Variants in USP36 observed in about 807,000 individuals in gnomAD.
USP36 encodes the protein ubiquitin specific peptidase 36.
Under a neutral mutation model 111.5 loss-of-function variants are expected in USP36, and 59 were observed. The ratio of observed to expected loss-of-function variants is 0.53; its 90% CI spans 0.43 to 0.66. USP36 has a LOEUF of 0.66. Among genes scored for constraint, USP36 ranks in the 30% least tolerant of loss-of-function variants. USP36 has a pLI of 0.00. For missense variants in USP36, 1,488 were observed against 1,468.0 expected, an observed-to-expected ratio of 1.01 and a Z score of -0.22; for synonymous variants, 628 against 581.0, an observed-to-expected ratio of 1.08 and a Z score of -1.16.
At chr17:78,816,636 A>C (rs754288528) in intron 10 of USP36, among the ~76,000 whole-genome samples, 4 of 151,740 alleles carry the variant, frequency 2.6e-5, no homozygotes, top group Non-Finnish European at 4.4e-5. Flanking sequence ...AAAAAAAAAA[A>C]CAAAAAAACC....
At position 78,827,238 on chromosome 17, in the gene USP36, C is replaced by T. The variant is rs747847704; in HGVS notation, c.689+7G>A. ...AGCCCTGGGAGGGTGGGTGGGGAAG[C>T]ACGCACTTGGCACAGCCATTCAGGC... On this transcript the variant is annotated splice_region_variant and intron_variant, in intron 6 of 20. Coordinates refer to ENST00000449938, the MANE Select transcript of USP36 (RefSeq NM_001385174.1). The T allele has an allele frequency of 7.4e-6, 12 of 1,610,882 alleles. No homozygotes were observed. Among genetic ancestry groups the T allele is most frequent in the Non-Finnish European group, 1.0e-5 (12 of 1,179,368 alleles).
rs79704391 is a variant in USP36, at chr17:78,823,597, C to T, written c.690-1593G>A. On this transcript the variant is annotated intron_variant, in intron 6 of 20. Transcript: ENST00000449938. Reference sequence around the variant, plus strand: ...GCCCGAGAGCCACCCGGAATCACAGCTGCAAAGGGCACCCTGAAGTGAAGT... The same window carrying T: ...GCCCGAGAGCCACCCGGAATCACAGTTGCAAAGGGCACCCTGAAGTGAAGT... Among the ~76,000 whole-genome samples, 195 of 152,282 alleles carry T rather than the reference C, an allele frequency of 1.3e-3. 1 individual carries two copies. Among genetic ancestry groups the T allele is most frequent in the African/African-American group, 4.6e-3 (190 of 41,556 alleles).
chr17:78,836,351 C>T lies in USP36; in HGVS notation c.13G>A (p.Asp5Asn). ...GGTTTCAGGGCCTCCTTCAACTTAT[C>T]CACTATTGGCATGGTGCATCACTGT... MPIV[D>N]KLKEALKPGR... The change falls in exon 3 of 21, where the codon GAT becomes AAT. Residue 5 changes from aspartate to asparagine, a missense_variant. Physicochemically the swap from Asp to Asn is conservative, Grantham distance 23 (BLOSUM62 1). Transcript: ENST00000449938. 6.2e-7 allele frequency: 1 copy of T among 1,614,082 alleles called. No homozygotes were observed. Among genetic ancestry groups the T allele is most frequent in the South Asian group, 1.1e-5 (1 of 91,074 alleles).
intron 5 of USP36, 23 bp from the exon 6 acceptor site, chr17:78,827,370 G>A (rs1466149049): frequency 1.3e-6 from 2 of 1,596,176 alleles, no homozygotes; most frequent in South Asian, 1.1e-5. Flanking sequence ...GAAACAGGGA[G>A]GGAAGAGCTC....
At chr17:78,830,763 T>C (rs2068008956) in intron 4 of USP36, among the ~76,000 whole-genome samples, 1 of 152,126 alleles carries the variant, frequency 6.6e-6, no homozygotes, top group Non-Finnish European at 1.5e-5. Flanking sequence ...AAAATTCTTC[T>C]TGAAGAGATG....
chr17:78,814,283 G>A (rs756087351), intron 11 of USP36, 129 bp downstream of exon 11: 18 of 1,284,672 alleles, frequency 1.4e-5, no homozygotes, highest in East Asian at 5.0e-5. Context: ...AGGCAACAAC[G>A]AGGACTTGAA....
chr17:78,822,130 A>G, intron 6 of USP36, 126 bp from the exon 7 acceptor site: 1 of 1,023,812 alleles, frequency 9.8e-7, no homozygotes, highest in Non-Finnish European at 1.5e-6. Flanking sequence ...TCCACCCCCC[A>G]CCCGAGTCAC....
chr17:78,806,343 A>G (rs2145099003), intron 14 of USP36, 57 bp from the exon 15 acceptor site: 1 of 1,604,194 alleles, frequency 6.2e-7, no homozygotes, highest in East Asian at 2.2e-5. Context: ...TCCGTGAGTG[A>G]AGAGGGAAAA....
At chr17:78,814,776 C>A (rs566798005) in intron 10 of USP36, among the ~76,000 whole-genome samples, 7 of 151,822 alleles carry the variant, frequency 4.6e-5, no homozygotes, top group Non-Finnish European at 1.0e-4. Flanking sequence ...TAGCGAAACC[C>A]CACTTCTAAT....
In USP36 at chr17:78,836,254, A is replaced by G; in HGVS notation, c.110T>C (p.Leu37Ser). ...LLASSAKKVL[L>S]QKIEFEPASK... is the part of the protein sequence containing the mutation. ...GGCTGGCTCGAACTCGATTTTCTGT[A>G]AAAGGACCTTCTTGGCAGAGGAGGC... Residue 37 changes from leucine to serine, a missense_variant, in exon 3 of 21, where the codon TTA becomes TCA. Leu to Ser is a moderately radical substitution (Grantham distance 145). Transcript: ENST00000449938. 1 of 1,614,132 alleles carries G rather than the reference A, an allele frequency of 6.2e-7. No individual in the cohort carries two copies. Among genetic ancestry groups the G allele is most frequent in the Non-Finnish European group, 8.5e-7 (1 of 1,180,014 alleles).
intron 4 of USP36, among the ~76,000 whole-genome samples, chr17:78,830,048 G>A (rs1447019031): frequency 6.6e-6 from 1 of 152,170 alleles, no homozygotes. Flanking sequence ...CCCGACAGTG[G>A]TACATTTTTA....
At chr17:78,799,505 T>C (rs560159605) in intron 18 of USP36, among the ~76,000 whole-genome samples, 162 bp downstream of exon 18, 2 of 152,250 alleles carry the variant, frequency 1.3e-5, no homozygotes, top group East Asian at 3.9e-4. Flanking sequence ...GCTGAGGGTT[T>C]AAAGAGGACT....
intron 10 of USP36, among the ~76,000 whole-genome samples, chr17:78,814,943 G>A (rs1183931079): frequency 6.6e-6 from 1 of 150,554 alleles, no homozygotes; most frequent in Non-Finnish European, 1.5e-5. Context: ...GAGCGAGACT[G>A]TCTCAAAACT....
intron 10 of USP36, among the ~76,000 whole-genome samples, chr17:78,818,357 G>T (rs2094236660): frequency 6.6e-6 from 1 of 152,034 alleles, no homozygotes; most frequent in African/African-American, 2.4e-5. Flanking sequence ...AAGCATTCAG[G>T]GATTTTGCAA....
rs980289980 is a variant in USP36, at chr17:78,807,460, G to C, written c.1584C>G (p.Ile528Met). 5 of 1,614,094 alleles carry C rather than the reference G, an allele frequency of 3.1e-6. No individual in the cohort carries two copies. Among genetic ancestry groups the C allele is most frequent in the East Asian group, 2.2e-5 (1 of 44,870 alleles). ...LSQTPTHMPT[I>M]LDDPGKKVKK... ...TCACCTTCTTTCCAGGGTCGTCTAG[G>C]ATGGTTGGCATGTGTGTGGGTGTCT... Residue 528 changes from isoleucine (I) to methionine (M), a missense_variant, in exon 14 of 21, where the codon ATC becomes ATG. By Grantham distance (10) the Ile-to-Met change is conservative. Around this residue, in one of 3 missense-constraint regions of USP36, gnomAD observed 1,073 missense variants for 994.1 expected, o/e 1.08. Coordinates refer to ENST00000449938, the MANE Select transcript of USP36 (RefSeq NM_001385174.1).
chr17:78,806,417 G>A, intron 14 of USP36, 131 bp from the exon 15 acceptor site: 3 of 1,290,630 alleles, frequency 2.3e-6, no homozygotes, highest in Admixed American at 5.1e-5. Flanking sequence ...GGAGACAGAA[G>A]AAGACAAAAA....
chr17:78,797,614 C>T lies in USP36; in HGVS notation c.*286G>A, dbSNP rs1279961637. On this transcript the variant is annotated 3_prime_UTR_variant, in exon 21 of 21. Coordinates refer to ENST00000449938, the MANE Select transcript of USP36 (RefSeq NM_001385174.1). ...CCACTGTCTATGAAACATGAGAAGG[C>T]ACAGCCTGGCAAAGATGTCCAGCAG... The T allele has an allele frequency of 6.6e-6, 1 of 152,350 alleles. No individual in the cohort carries two copies. Among genetic ancestry groups the T allele is most frequent in the African/African-American group, 2.4e-5 (1 of 41,468 alleles). 9.4% of individuals were successfully genotyped at this position (152,350 alleles called of 1,614,324 possible). A position where few individuals can be genotyped will look rare whatever the true frequency, so the allele number is the denominator to read the frequency against.
At chr17:78,808,224 G>A (rs186444868) in intron 13 of USP36, among the ~76,000 whole-genome samples, 1 of 149,782 alleles carries the variant, frequency 6.7e-6, no homozygotes, top group African/African-American at 2.4e-5. Context: ...ATTATCTCAA[G>A]CATTTTTATG....
intron 13 of USP36, among the ~76,000 whole-genome samples, chr17:78,812,322 A>G (rs1049353097): frequency 1.3e-5 from 2 of 152,176 alleles, no homozygotes; most frequent in South Asian, 2.1e-4. Flanking sequence ...TGACAATTCT[A>G]ATTTGTTGGG....
Sources: allele counts gnomAD v4.1 joint callset (sites outside exome capture counted in the v4.1 genomes callset), GRCh38; gene constraint gnomAD v4.1.1; regional missense constraint gnomAD v4.1.1; transcripts MANE v1.5; gene names NCBI Gene and HGNC (gene_info 2026-07-23, HGNC 2026-07-21).